The following HBS1L variants were observed in gnomAD, a reference collection of about 807,000 sequenced individuals.
HBS1L encodes HBS1 like translational GTPase.
HBS1L carries 55 observed loss-of-function variants against 88.9 expected under a neutral mutation model. The ratio of observed to expected loss-of-function variants is 0.62; its 90% CI spans 0.50 to 0.77. The LOEUF is 0.77. Among genes scored for constraint, HBS1L ranks in the 30% least tolerant of loss-of-function variants. The pLI, the probability that HBS1L is intolerant of heterozygous loss-of-function variation, is 0.00. For synonymous variants in HBS1L, 267 were observed against 288.5 expected (o/e 0.93, Z 0.76); for missense variants, 741 against 829.3 (o/e 0.89, Z 1.31).
At chr6:135,033,835 CACCTA>C (rs1776455686) in intron 4 of HBS1L, among the ~76,000 whole-genome samples, 1 of 152,212 alleles carries the variant, frequency 6.6e-6, no homozygotes, top group African/African-American at 2.4e-5. Context: ...ACTTGTGCAG[CACCTA>C]ACCTATCAGT....
chr6:134,994,261 G>A (rs746853170), intron 7 of HBS1L, among the ~76,000 whole-genome samples: 19 of 151,952 alleles, frequency 1.3e-4, no homozygotes, highest in Non-Finnish European at 2.4e-4. Flanking sequence ...TTTTCTTCAC[G>A]TTCTACACTT....
At chr6:134,978,826 G>A (rs778503190) in intron 14 of HBS1L, 39 bp from the exon 15 acceptor site, 2 of 1,212,522 alleles carry the variant, frequency 1.6e-6, no homozygotes, top group South Asian at 2.7e-5. Flanking sequence ...GTAATTGGGG[G>A]ACAAATTTAC....
At chr6:134,973,446 G>C (rs1484352973) in intron 15 of HBS1L, among the ~76,000 whole-genome samples, 3 of 152,184 alleles carry the variant, frequency 2.0e-5, no homozygotes, top group Non-Finnish European at 4.4e-5. Flanking sequence ...ATACCAAGAG[G>C]GAATAATGGG....
chr6:134,985,924 T>G, intron 11 of HBS1L, 142 bp downstream of exon 11: 2 of 594,308 alleles, frequency 3.4e-6, no homozygotes, highest in East Asian at 5.8e-5. Flanking sequence ...GTATTGCACA[T>G]GATGACAAAA....
Position 134,985,225 on chromosome 6 carries a change from T to C in HBS1L, c.1492+116A>G, listed in dbSNP as rs1774943610. The C allele has an allele frequency of 1.9e-5, 10 of 530,848 alleles. 1 individual carries two copies. The South Asian group carries it at 4.8e-4, about 26-fold the overall frequency. 32.9% of individuals were successfully genotyped at this position (530,848 alleles called of 1,614,324 possible). A position where few individuals can be genotyped will look rare whatever the true frequency, so the allele number is the denominator to read the frequency against. On this transcript the variant is annotated intron_variant, in intron 12 of 17. Transcript: ENST00000367837. ...TCTGACAGTGATCCTTACTTGGGCATGGAGAGGAGAGACTCTGAAGGCAAT... is the reference window on the plus strand; with the variant it reads ...TCTGACAGTGATCCTTACTTGGGCACGGAGAGGAGAGACTCTGAAGGCAAT...
intron 15 of HBS1L, among the ~76,000 whole-genome samples, chr6:134,975,434 G>A (rs548851062): frequency 6.6e-6 from 1 of 152,202 alleles, no homozygotes; most frequent in South Asian, 2.1e-4. Context: ...AACCCAAAAA[G>A]AGCCCAATTA....
At chr6:135,031,102 G>C (rs1229801658) in intron 4 of HBS1L, among the ~76,000 whole-genome samples, 1 of 152,044 alleles carries the variant, frequency 6.6e-6, no homozygotes, top group African/African-American at 2.4e-5. Flanking sequence ...GTAGTGCTTA[G>C]TATTCTAAAC....
rs972553169 is a variant in HBS1L at position 134,978,937 on chromosome 6, T to C, written c.1689-150A>G. The C allele has an allele frequency of 7.0e-5, 44 of 626,842 alleles. 1 individual carries two copies. Among genetic ancestry groups the C allele is most frequent in the South Asian group, 4.6e-4 (22 of 48,072 alleles). 38.8% of individuals were successfully genotyped at this position (626,842 alleles called of 1,614,324 possible). On this transcript the variant is annotated intron_variant, in intron 14 of 17. Transcript: ENST00000367837. Reference sequence around the variant, plus strand: ...TTCTCTTCTGAGCTAAAGCATGACTTTAAACCATTATTAACCTTATGTCAT... The same window carrying C: ...TTCTCTTCTGAGCTAAAGCATGACTCTAAACCATTATTAACCTTATGTCAT...
At chr6:135,029,604 G>C (rs1241283070) in intron 4 of HBS1L, among the ~76,000 whole-genome samples, 1 of 152,086 alleles carries the variant, frequency 6.6e-6, no homozygotes, top group Non-Finnish European at 1.5e-5. Flanking sequence ...AAACTAGTGG[G>C]AGGGAAATCA....
intron 4 of HBS1L, among the ~76,000 whole-genome samples, chr6:135,016,072 G>C (rs143785711): frequency 1.7e-3 from 256 of 150,350 alleles, no homozygotes; most frequent in Middle Eastern, 7.2e-3. Context: ...TTTTAGAAGA[G>C]ATGCGGTTTC....
chr6:135,006,613 T>A (rs1444052455), intron 4 of HBS1L, among the ~76,000 whole-genome samples: 3 of 152,134 alleles, frequency 2.0e-5, no homozygotes, highest in Non-Finnish European at 4.4e-5. Context: ...AGCCTCAGGT[T>A]TAAGAGGCTA....
chr6:135,022,258 T>C (rs1160960208), intron 4 of HBS1L, among the ~76,000 whole-genome samples: 2 of 152,018 alleles, frequency 1.3e-5, no homozygotes, highest in Non-Finnish European at 2.9e-5. Context: ...GGATGTATAA[T>C]TGCCTTAGAA....
At chr6:135,053,319 C>T (rs1777146383) in intron 1 of HBS1L, among the ~76,000 whole-genome samples, 2 of 152,182 alleles carry the variant, frequency 1.3e-5, no homozygotes, top group African/African-American at 4.8e-5. Flanking sequence ...ATAATCTTCT[C>T]CTTTTAGACC....
chr6:135,054,601 C>T (rs1176218044), intron 1 of HBS1L, 48 bp downstream of exon 1: 1 of 1,607,514 alleles, frequency 6.2e-7, no homozygotes, highest in Admixed American at 1.7e-5. Flanking sequence ...GGCTAGGATC[C>T]CAGCTGTAGC....
intron 4 of HBS1L, among the ~76,000 whole-genome samples, chr6:135,035,311 G>A (rs1434034568): frequency 2.0e-5 from 3 of 151,536 alleles, no homozygotes; most frequent in Non-Finnish European, 2.9e-5. Context: ...TCAGCTGGGC[G>A]TGGTGACATG....
At chr6:135,012,044 G>T (rs1775791176) in intron 4 of HBS1L, among the ~76,000 whole-genome samples, 1 of 151,528 alleles carries the variant, frequency 6.6e-6, no homozygotes, top group Admixed American at 6.6e-5. Flanking sequence ...AAAAAAAAAT[G>T]TTGCTATGTA....
At chr6:134,985,936 AG>A (rs1348529533) in intron 11 of HBS1L, 129 bp downstream of exon 11, 5 of 613,828 alleles carry the variant, frequency 8.1e-6, no homozygotes, top group Non-Finnish European at 1.2e-5. Context: ...ATGACAAAAC[AG>A]GTAACTTAGT....
At chr6:134,981,119 G>A (rs1314363177) in intron 13 of HBS1L, among the ~76,000 whole-genome samples, 1 of 151,872 alleles carries the variant, frequency 6.6e-6, no homozygotes, top group Non-Finnish European at 1.5e-5. Context: ...GAGGTTACAA[G>A]GGAGCCAACC....
In HBS1L at chr6:134,966,486, A is replaced by C. The variant is rs749501659; in HGVS notation, c.1899-13T>G. On this transcript the variant is annotated splice_polypyrimidine_tract_variant and intron_variant, in intron 16 of 17. Transcript: ENST00000367837. The stretch of plus-strand genomic sequence containing the variant: ...TTTAGTCAAAAACCTATTAAGAAAA[A>C]AAAAGAACAAATGAATATATGATAG... 6.4e-7 allele frequency: 1 copy of C among 1,555,992 alleles called. No homozygotes were observed. Among genetic ancestry groups the C allele is most frequent in the Non-Finnish European group, 8.7e-7 (1 of 1,149,986 alleles).
Sources: gnomAD v4.1 joint callset for allele counts (sites outside exome capture counted in the v4.1 genomes callset) on GRCh38, gnomAD v4.1.1 for gene constraint, MANE v1.5 for transcripts, NCBI Gene and HGNC (gene_info 2026-07-23, HGNC 2026-07-21) for gene names.